KLF12: variants seen among roughly 807,000 people sequenced by gnomAD.
The protein encoded by KLF12 is KLF transcription factor 12.
KLF12 carries 9 observed loss-of-function variants against 37.8 expected under a neutral mutation model. That is an observed-to-expected ratio of 0.24 (90% CI 0.14 to 0.42). The LOEUF (loss-of-function observed/expected upper bound fraction) is 0.42. Among genes scored for constraint, KLF12 ranks in the 10% least tolerant of loss-of-function variants. The probability of loss-of-function intolerance (pLI) is 1.00; values close to 1 mark genes in which losing one functional copy is unlikely to be tolerated. For synonymous variants in KLF12, 208 were observed against 202.1 expected, an observed-to-expected ratio of 1.03 and a Z score of -0.25; for missense variants, 411 against 516.0, an observed-to-expected ratio of 0.80 and a Z score of 1.97.
the KLF12 span, among the ~76,000 whole-genome samples, chr13:74,183,415 C>G: frequency 6.6e-6 from 1 of 152,106 alleles, no homozygotes; most frequent in Non-Finnish European, 1.5e-5. Flanking sequence ...AAATATTTCT[C>G]CTTTCCAAAT....
In KLF12 at chr13:74,060,670, A is replaced by G. The variant is rs149377638; in HGVS notation, c.-31-65617T>C. ...TTATCAAGTCTAGGAGCCTTTCCAA[A>G]AAGTCTTTTGGGTTTTCTAGGTATA... On this transcript the variant is annotated intron_variant, in intron 1 of 7. Transcript: ENST00000377669. Among the ~76,000 whole-genome samples, 990 of 152,196 alleles carry G rather than the reference A, an allele frequency of 6.5e-3. 11 individuals are homozygous for G. Among genetic ancestry groups the G allele is most frequent in the African/African-American group, 0.023 (947 of 41,514 alleles).
At chr13:73,954,397 G>A (rs1890763057) in intron 2 of KLF12, among the ~76,000 whole-genome samples, 1 of 152,004 alleles carries the variant, frequency 6.6e-6, no homozygotes, top group South Asian at 2.1e-4. Context: ...CTTGAGCATG[G>A]TATTGGTTTC....
At chr13:74,207,290 T>C in the KLF12 span, among the ~76,000 whole-genome samples, 3 of 152,212 alleles carry the variant, frequency 2.0e-5, no homozygotes, top group Non-Finnish European at 4.4e-5. Flanking sequence ...ACATGCTTTA[T>C]GCGGGACACA....
At chr13:74,302,625 C>T in the KLF12 span, among the ~76,000 whole-genome samples, 1 of 152,142 alleles carries the variant, frequency 6.6e-6, no homozygotes, top group Non-Finnish European at 1.5e-5. Context: ...TTGGGATTGT[C>T]AGTCCCCACT....
intron 3 of KLF12, among the ~76,000 whole-genome samples, chr13:73,852,737 AC>A (rs1457435720): frequency 1.3e-5 from 2 of 152,018 alleles, no homozygotes; most frequent in Non-Finnish European, 2.9e-5. Flanking sequence ...AGATCGTGCC[AC>A]TGCACTCCAG....
At chr13:73,962,113 T>C in intron 2 of KLF12, 6 of 421,758 alleles carry the variant, frequency 1.4e-5, no homozygotes, top group Non-Finnish European at 2.8e-5. Flanking sequence ...CTGTGGTACA[T>C]CCAGACAATG....
At chr13:73,984,352 C>A (rs1219312006) in intron 2 of KLF12, among the ~76,000 whole-genome samples, 1 of 152,194 alleles carries the variant, frequency 6.6e-6, no homozygotes, top group Non-Finnish European at 1.5e-5. Flanking sequence ...CTGCTCTCCT[C>A]GCTGGCACAG....
the KLF12 span, among the ~76,000 whole-genome samples, chr13:74,231,945 TATTAAA>T: frequency 1.3e-5 from 2 of 152,222 alleles, no homozygotes; most frequent in African/African-American, 4.8e-5. Flanking sequence ...GCATCTAACC[TATTAAA>T]ATTAGATATT....
At chr13:73,943,184 C>T (rs7986883) in intron 3 of KLF12, among the ~76,000 whole-genome samples, 8,298 of 152,106 alleles carry the variant, frequency 0.055, 289 homozygotes, top group African/African-American at 0.1. Flanking sequence ...AGATTATATA[C>T]GTATTTATGT....
chr13:74,190,095 T>C, the KLF12 span, among the ~76,000 whole-genome samples: 2 of 152,212 alleles, frequency 1.3e-5, no homozygotes, highest in Admixed American at 1.3e-4. Context: ...ATATTTTTAG[T>C]GTGCAATACT....
chr13:74,252,393 T>C, the KLF12 span, among the ~76,000 whole-genome samples: 1 of 152,316 alleles, frequency 6.6e-6, no homozygotes, highest in African/African-American at 2.4e-5. Flanking sequence ...ACCTCTTTCC[T>C]GCTGTTCTCA....
chr13:73,965,141 C>T (rs1326709593), intron 2 of KLF12, among the ~76,000 whole-genome samples: 3 of 152,036 alleles, frequency 2.0e-5, no homozygotes, highest in Non-Finnish European at 4.4e-5. Flanking sequence ...AAAGCCTTTA[C>T]CTTAGGATCC....
At chr13:74,088,286 A>G (rs891961374) in intron 1 of KLF12, among the ~76,000 whole-genome samples, 2 of 151,188 alleles carry the variant, frequency 1.3e-5, no homozygotes, top group Admixed American at 6.6e-5. Flanking sequence ...TTTTTTTGAG[A>G]CAGTCTTGCG....
intron 1 of KLF12, among the ~76,000 whole-genome samples, chr13:74,026,811 G>T (rs193190996): frequency 3.3e-5 from 5 of 152,290 alleles, no homozygotes; most frequent in Admixed American, 3.3e-4. Flanking sequence ...TCCCACAGGA[G>T]ACCAAAAGGT....
chr13:74,157,687 AGCT>A, the KLF12 span, among the ~76,000 whole-genome samples: 2 of 152,222 alleles, frequency 1.3e-5, no homozygotes, highest in African/African-American at 4.8e-5. Context: ...CCAGTCATTA[AGCT>A]TCCTTCTGTC....
chr13:74,132,151 A>C (rs1878295353), intron 1 of KLF12, among the ~76,000 whole-genome samples: 1 of 152,182 alleles, frequency 6.6e-6, no homozygotes, highest in African/African-American at 2.4e-5. Context: ...CACTGTTTTA[A>C]ATAAATGTCA....
Position 73,944,011 on chromosome 13 carries a change from G to A in KLF12, c.93C>T (p.Val31=), listed in dbSNP as rs370396114. 5.0e-6 allele frequency: 8 copies of A among 1,612,774 alleles called. No individual in the cohort carries two copies. In the African/African-American group the frequency reaches 8.0e-5, roughly 16 times the overall value. The change falls in exon 3 of 8, where the codon GTC becomes GTT. Residue 31 remains valine, a synonymous_variant. Coordinates refer to ENST00000377669, the MANE Select transcript of KLF12 (RefSeq NM_007249.5). ...GTTCAGATTCCAAAAGCTCTGTTTTGACTCTGACTGCCGGCATCCCATCAA... is the reference window on the plus strand; with the variant it reads ...GTTCAGATTCCAAAAGCTCTGTTTTAACTCTGACTGCCGGCATCCCATCAA...
At chr13:73,738,112 TATATATATATATAC>T (rs1877632771) in intron 6 of KLF12, among the ~76,000 whole-genome samples, 3 of 74,758 alleles carry the variant, frequency 4.0e-5, no homozygotes, top group Admixed American at 2.5e-4. Context: ...TATATATATA[TATATATATATATAC>T]ACACACACAC....
At chr13:74,302,959 C>T in the KLF12 span, among the ~76,000 whole-genome samples, 1 of 152,234 alleles carries the variant, frequency 6.6e-6, no homozygotes, top group Non-Finnish European at 1.5e-5. Flanking sequence ...TCCTTTAACT[C>T]ATTTTTTTAA....
Sources: allele counts gnomAD v4.1 joint callset (sites outside exome capture counted in the v4.1 genomes callset), GRCh38; gene constraint gnomAD v4.1.1; transcripts MANE v1.5; gene names NCBI Gene and HGNC (gene_info 2026-07-23, HGNC 2026-07-21).